The following EIPR1 variants were observed in gnomAD, a reference collection of about 807,000 sequenced individuals.
EIPR1 encodes EARP and GARP complex-interacting protein 1.
In EIPR1, 25 loss-of-function variants were observed where a neutral mutation model predicts 48.1. The observed-to-expected ratio is 0.52, with a 90% CI of 0.38 to 0.73. The LOEUF (loss-of-function observed/expected upper bound fraction) is 0.73. Among genes scored for constraint, EIPR1 ranks in the 30% least tolerant of loss-of-function variants. The pLI, the probability that EIPR1 is intolerant of heterozygous loss-of-function variation, is 0.00. For missense variants in EIPR1, 415 were observed against 506.2 expected, an observed-to-expected ratio of 0.82 and a Z score of 1.73; for synonymous variants, 204 against 201.9, an observed-to-expected ratio of 1.01 and a Z score of -0.09.
At chr2:3,214,308 G>T in intron 4 of EIPR1, 60 bp from the exon 5 acceptor site, 1 of 1,497,462 alleles carries the variant, frequency 6.7e-7, no homozygotes. Flanking sequence ...AGGCTGGTAG[G>T]TAAGAGCTGT....
chr2:3,235,447 C>CA (rs1666375701), intron 4 of EIPR1, among the ~76,000 whole-genome samples: 1 of 28,546 alleles, frequency 3.5e-5, no homozygotes, highest in Non-Finnish European at 1.4e-4. Context: ...CACGCGTGCG[C>CA]GCACACACAC....
intron 5 of EIPR1, among the ~76,000 whole-genome samples, chr2:3,202,604 G>C (rs954789566): frequency 6.6e-6 from 1 of 152,118 alleles, no homozygotes; most frequent in Non-Finnish European, 1.5e-5. Flanking sequence ...TTGATGACTC[G>C]TGTGTGCGAA....
At chr2:3,241,543 C>T (rs747986678) in intron 4 of EIPR1, among the ~76,000 whole-genome samples, 1 of 152,192 alleles carries the variant, frequency 6.6e-6, no homozygotes, top group Non-Finnish European at 1.5e-5. Flanking sequence ...CTGCAATACT[C>T]GCTACTCCAA....
chr2:3,345,602 G>A (rs977380884), intron 2 of EIPR1, among the ~76,000 whole-genome samples: 1 of 151,672 alleles, frequency 6.6e-6, no homozygotes, highest in African/African-American at 2.4e-5. Flanking sequence ...TCCAGCCTAG[G>A]CAATAGAGCG....
chr2:3,278,885 C>T (rs376562458), intron 3 of EIPR1, among the ~76,000 whole-genome samples: 31 of 152,328 alleles, frequency 2.0e-4, no homozygotes, highest in African/African-American at 7.2e-4. Flanking sequence ...CCCGCCAGCC[C>T]ATTAGCCTCA....
intron 3 of EIPR1, among the ~76,000 whole-genome samples, chr2:3,266,209 T>G (rs992500201): frequency 3.3e-5 from 5 of 152,210 alleles, no homozygotes; most frequent in Non-Finnish European, 7.3e-5. Context: ...ATGCCCTGCC[T>G]GGGGGACATA....
rs61557621 is a variant in EIPR1, at chr2:3,225,222, ATGTG to A, written c.417-10978_417-10975del. On this transcript the variant is annotated intron_variant, in intron 4 of 8. Transcript: ENST00000382125. ...GTATATTTAGGTAGTACACTGTGATATGTGTGTGTGTGTGTGTGTGTGTGTGTGT... is the reference window on the plus strand; with the variant it reads ...GTATATTTAGGTAGTACACTGTGATATGTGTGTGTGTGTGTGTGTGTGTGT... Among the ~76,000 whole-genome samples, 6,102 of 136,916 alleles carry A rather than the reference ATGTG, an allele frequency of 0.045. 584 individuals carry two copies. The East Asian group carries it at 0.45, about 10-fold the overall frequency. The allele number at this position is 136,916 out of a possible 152,430, so 89.8% of individuals were successfully genotyped here.
chr2:3,196,152 A>C (rs756231398), intron 6 of EIPR1, among the ~76,000 whole-genome samples: 7 of 152,178 alleles, frequency 4.6e-5, no homozygotes, highest in Non-Finnish European at 1.0e-4. Context: ...GTGATTCTTT[A>C]TTAGCCCCTG....
chr2:3,301,071 C>T (rs1668749090), intron 3 of EIPR1: 1 of 152,192 alleles, frequency 6.6e-6, no homozygotes, highest in Non-Finnish European at 1.5e-5. Flanking sequence ...GGCACTGAAG[C>T]TGACTTTTAG....
At chr2:3,288,624 C>A (rs1668277216) in intron 3 of EIPR1, among the ~76,000 whole-genome samples, 1 of 152,198 alleles carries the variant, frequency 6.6e-6, no homozygotes, top group Admixed American at 6.5e-5. Context: ...CAACAGCCTT[C>A]CCAGTTCCTC....
At chr2:3,337,922 A>C (rs80177267) in intron 3 of EIPR1, 95 bp downstream of exon 3, 46,406 of 1,342,260 alleles carry the variant, frequency 0.035, 993 homozygotes, top group Non-Finnish European at 0.041. Context: ...AAATCTTTTC[A>C]GTCATGTGTC....
intron 6 of EIPR1, among the ~76,000 whole-genome samples, chr2:3,195,001 A>G (rs1664759921): frequency 6.6e-6 from 1 of 152,218 alleles, no homozygotes; most frequent in Admixed American, 6.5e-5. Flanking sequence ...ACGCCCACAC[A>G]TGTATGTACA....
At chr2:3,295,532 CCA>C (rs1558280433) in intron 3 of EIPR1, among the ~76,000 whole-genome samples, 5 of 81,178 alleles carry the variant, frequency 6.2e-5, no homozygotes, top group East Asian at 3.9e-4. Flanking sequence ...CATCGTCTCT[CCA>C]CACACACCCT....
chr2:3,232,897 T>C (rs1558239668), intron 4 of EIPR1, among the ~76,000 whole-genome samples: 1 of 134,772 alleles, frequency 7.4e-6, no homozygotes, highest in Non-Finnish European at 1.6e-5. Context: ...AAATAATAAA[T>C]AGCCCTAAGT....
intron 3 of EIPR1, among the ~76,000 whole-genome samples, chr2:3,278,055 T>A (rs1313283323): frequency 6.6e-6 from 1 of 152,066 alleles, no homozygotes; most frequent in Non-Finnish European, 1.5e-5. Context: ...TTCCTAATCA[T>A]CCCTGGGAAT....
Position 3,219,274 on chromosome 2 carries a change from C to T in EIPR1, c.417-5026G>A, listed in dbSNP as rs200565921. Among the ~76,000 whole-genome samples the T allele has an allele frequency of 9.9e-4, 136 of 137,454 alleles. 8 individuals are homozygous for T. The South Asian group carries it at 0.017, about 17-fold the overall frequency. 90.2% of individuals were successfully genotyped at this position (137,454 alleles called of 152,430 possible). A position where few individuals can be genotyped will look rare whatever the true frequency, so the allele number is the denominator to read the frequency against. On this transcript the variant is annotated intron_variant, in intron 4 of 8. Transcript: ENST00000382125. Reference sequence around the variant, plus strand: ...CAGTGAGTCAGGTGCACACTCAACACGACCCTGGTATACTCTAGAGCATTC... The same window carrying T: ...CAGTGAGTCAGGTGCACACTCAACATGACCCTGGTATACTCTAGAGCATTC...
chr2:3,349,172 CAG>C (rs764546731), intron 2 of EIPR1, among the ~76,000 whole-genome samples: 1 of 152,252 alleles, frequency 6.6e-6, no homozygotes, highest in East Asian at 1.9e-4. Flanking sequence ...GGGAAGCGAG[CAG>C]AGAGAGGCAG....
rs1558263378 is a variant in EIPR1, at chr2:3,269,413, TCG to T, written c.260-11960_260-11959del. ...CGCACTCAGTCATCGCACTCAATCA[TCG>T]CACTCAATCATCACACTCAATCATC... On this transcript the variant is annotated intron_variant, in intron 3 of 8. Coordinates refer to ENST00000382125, the MANE Select transcript of EIPR1 (RefSeq NM_003310.5). 1.9e-3 allele frequency among the ~76,000 whole-genome samples: 243 copies of T among 124,912 alleles called. 63 individuals carry two copies. The highest frequency in any genetic ancestry group is 4.9e-3 in the African/African-American group (155 of 31,810). The allele number at this position is 124,912 out of a possible 152,430, so 81.9% of individuals were successfully genotyped here.
intron 5 of EIPR1, among the ~76,000 whole-genome samples, chr2:3,209,728 G>A (rs1013889417): frequency 6.6e-6 from 1 of 152,172 alleles, no homozygotes; most frequent in Non-Finnish European, 1.5e-5. Context: ...AAGACCTGGA[G>A]AAACCTTGAC....
Sources: allele counts gnomAD v4.1 joint callset (sites outside exome capture counted in the v4.1 genomes callset), GRCh38; gene constraint gnomAD v4.1.1; transcripts MANE v1.5; gene names NCBI Gene and HGNC (gene_info 2026-07-23, HGNC 2026-07-21).